LGI1: variants seen among roughly 807,000 people sequenced by gnomAD.
LGI1 encodes the protein leucine-rich glioma-inactivated protein 1.
A neutral mutation model predicts 57.7 loss-of-function variants in LGI1; 11 were observed. The ratio of observed to expected loss-of-function variants is 0.19; its 90% CI spans 0.12 to 0.32. LGI1 has a LOEUF of 0.32. Among genes scored for constraint, LGI1 ranks in the 10% least tolerant of loss-of-function variants. LGI1 has a pLI of 1.00. For synonymous variants in LGI1, 222 were observed against 241.9 expected, an observed-to-expected ratio of 0.92 and a Z score of 0.76; for missense variants, 422 against 661.9, an observed-to-expected ratio of 0.64 and a Z score of 3.98.
chr10:93,795,244 A>G (rs2059970337), intron 7 of LGI1, among the ~76,000 whole-genome samples: 1 of 152,152 alleles, frequency 6.6e-6, no homozygotes, highest in African/African-American at 2.4e-5. Context: ...CTGCTGTAAC[A>G]AAAAATACCT....
At chr10:93,783,311 G>C (rs1275973832) in intron 4 of LGI1, among the ~76,000 whole-genome samples, 1 of 152,182 alleles carries the variant, frequency 6.6e-6, no homozygotes, top group African/African-American at 2.4e-5. Context: ...GGGAGGTGGA[G>C]CTTGCAGTGA....
At position 93,797,097 on chromosome 10, in the gene LGI1, A is replaced by G; in HGVS notation, c.968A>G (p.Asp323Gly). ...SFANKFIKIQDIEILKIRKPN... is the reference protein window; with the variant it reads ...SFANKFIKIQGIEILKIRKPN... ...GCAAATAAATTCATAAAAATCCAGGATATTGAAATTCTCAAAATCCGAAAA... is the reference window on the plus strand; with the variant it reads ...GCAAATAAATTCATAAAAATCCAGGGTATTGAAATTCTCAAAATCCGAAAA... Residue 323 changes from aspartate to glycine, a missense_variant, in exon 8 of 8, where the codon GAT (aspartate) becomes GGT (glycine). By Grantham distance (94) the Asp-to-Gly change is moderately conservative. Around this residue, in one of 3 missense-constraint regions of LGI1, gnomAD observed 301 missense variants for 461.7 expected, o/e 0.65. Coordinates refer to ENST00000371418, the MANE Select transcript of LGI1 (RefSeq NM_005097.4). This position sits in a 1 kb window ranked among gnomAD's most constrained non-coding sequence, Gnocchi z 6.5. 1.2e-6 allele frequency: 2 copies of G among 1,613,518 alleles called. No individual in the cohort carries two copies. Among genetic ancestry groups the G allele is most frequent in the Non-Finnish European group, 1.7e-6 (2 of 1,179,636 alleles).
intron 2 of LGI1, among the ~76,000 whole-genome samples, chr10:93,761,121 A>C (rs537006461): frequency 6.6e-6 from 1 of 152,328 alleles, no homozygotes; most frequent in African/African-American, 2.4e-5. Context: ...TCTGAATATG[A>C]ACTATGAAAC....
At chr10:93,776,179 C>T (rs2059792123) in intron 2 of LGI1, among the ~76,000 whole-genome samples, 1 of 152,136 alleles carries the variant, frequency 6.6e-6, no homozygotes, top group African/African-American at 2.4e-5. Flanking sequence ...GAAGACAATC[C>T]AACACCACTC....
At chr10:93,763,970 A>G (rs967518492) in intron 2 of LGI1, 8 of 152,346 alleles carry the variant, frequency 5.3e-5, no homozygotes, top group African/African-American at 1.9e-4. Context: ...TAACACAAAG[A>G]TAATTTCCTT....
At chr10:93,766,076 G>T (rs971504626) in intron 2 of LGI1, among the ~76,000 whole-genome samples, 1 of 151,866 alleles carries the variant, frequency 6.6e-6, no homozygotes, top group South Asian at 2.1e-4. Context: ...GAAACTGGCT[G>T]TTATAAGGTT....
At chr10:93,790,061 C>T in intron 4 of LGI1, 38 bp from the exon 5 acceptor site, 1 of 1,537,840 alleles carries the variant, frequency 6.5e-7, no homozygotes, top group Non-Finnish European at 8.8e-7. Flanking sequence ...TTTAATTTAT[C>T]ACTACAGTTT....
rs530671545 is a variant in LGI1, at chr10:93,789,834, T to A, written c.432-265T>A. The A allele has an allele frequency of 9.1e-5, 40 of 438,050 alleles. No individual in the cohort carries two copies. The South Asian group carries it at 1.2e-3, about 13-fold the overall frequency. The allele number at this position is 438,050 out of a possible 1,614,324, so 27.1% of individuals were successfully genotyped here. On this transcript the variant is annotated intron_variant, in intron 4 of 7. Coordinates refer to ENST00000371418, the MANE Select transcript of LGI1 (RefSeq NM_005097.4). ...TTTCAGTGAGCTGAGGTCACACCAC[T>A]TCACTCCAGCCTGGGTGACAGAGCG...
At chr10:93,783,289 T>C (rs190363972) in intron 4 of LGI1, among the ~76,000 whole-genome samples, 4,042 of 152,142 alleles carry the variant, frequency 0.027, 194 homozygotes, top group African/African-American at 0.091. Context: ...GGCGGGAGAA[T>C]GGCGTGAACC....
At chr10:93,777,947 C>CT (rs373431841) in intron 4 of LGI1, among the ~76,000 whole-genome samples, 25 of 152,288 alleles carry the variant, frequency 1.6e-4, no homozygotes, top group Non-Finnish European at 2.9e-5. Flanking sequence ...TTGATATCAG[C>CT]TTTTTTTCCC....
At chr10:93,782,605 A>G (rs1205592906) in intron 4 of LGI1, 2 of 152,278 alleles carry the variant, frequency 1.3e-5, no homozygotes, top group Non-Finnish European at 2.9e-5. Context: ...GTATGTAGTA[A>G]GCACCACTGT....
intron 4 of LGI1, among the ~76,000 whole-genome samples, chr10:93,779,406 G>A (rs1016840656): frequency 7.7e-6 from 1 of 129,878 alleles, no homozygotes; most frequent in Non-Finnish European, 1.6e-5. Flanking sequence ...AAGAAGGAAG[G>A]AAGGAAGGAG....
chr10:93,794,016 T>G (rs2059958233), intron 7 of LGI1: 1 of 116,278 alleles, frequency 8.6e-6, no homozygotes, highest in Admixed American at 1.3e-4. Flanking sequence ...TTTCTTTTTT[T>G]TTCTTTTTTT....
At chr10:93,789,809 T>G (rs1589770825) in intron 4 of LGI1, 1 of 320,400 alleles carries the variant, frequency 3.1e-6, no homozygotes, top group South Asian at 5.7e-5. Flanking sequence ...GAGGCAGAGG[T>G]TTCAGTGAGC....
At chr10:93,781,147 A>G (rs4440969) in intron 4 of LGI1, among the ~76,000 whole-genome samples, 1,550 of 152,098 alleles carry the variant, frequency 0.01, 31 homozygotes, top group African/African-American at 0.035. Context: ...TCACTAGGTC[A>G]GGAGATCGAG....
chr10:93,792,457 G>C (rs537414219), intron 5 of LGI1: 2 of 334,610 alleles, frequency 6.0e-6, no homozygotes, highest in East Asian at 1.0e-4. Flanking sequence ...TTACAATTAC[G>C]GTTCATATAC....
intron 2 of LGI1, among the ~76,000 whole-genome samples, chr10:93,774,531 C>G (rs2059772948): frequency 6.6e-6 from 1 of 152,212 alleles, no homozygotes; most frequent in Non-Finnish European, 1.5e-5. Context: ...TTTAGCTTCT[C>G]TACCGGCTGG....
chr10:93,796,474 A>C (rs576027228), intron 7 of LGI1, among the ~76,000 whole-genome samples: 22 of 152,050 alleles, frequency 1.4e-4, no homozygotes, highest in African/African-American at 5.1e-4. Flanking sequence ...TGAATCCCCA[A>C]CTCTGCCTTC....
chr10:93,767,010 T>C (rs2059687114), intron 2 of LGI1: 1 of 152,222 alleles, frequency 6.6e-6, no homozygotes, highest in South Asian at 2.1e-4. Flanking sequence ...ATCATCATGC[T>C]TCACTTTGCA....
Sources: allele counts gnomAD v4.1 joint callset (sites outside exome capture counted in the v4.1 genomes callset), GRCh38; gene constraint gnomAD v4.1.1; regional missense constraint gnomAD v4.1.1; non-coding constraint Gnocchi (gnomAD v3.1); transcripts MANE v1.5; gene names NCBI Gene and HGNC (gene_info 2026-07-23, HGNC 2026-07-21).